Variants in LSAMP observed in about 807,000 individuals in gnomAD.
The protein encoded by LSAMP is limbic system associated membrane protein, also known as limbic system-associated membrane protein.
LSAMP carries 7 observed loss-of-function variants against 38.6 expected under a neutral mutation model. The observed-to-expected ratio is 0.18, with a 90% CI of 0.10 to 0.34. LSAMP has a LOEUF of 0.34. Among genes scored for constraint, LSAMP ranks in the 10% least tolerant of loss-of-function variants. The pLI is 1.00. For missense variants in LSAMP, 313 were observed against 420.0 expected (o/e 0.75, Z 2.23); for synonymous variants, 154 against 166.8 (o/e 0.92, Z 0.59).
chr3:116,259,930 T>C (rs2046803025), intron 1 of LSAMP, among the ~76,000 whole-genome samples: 1 of 152,140 alleles, frequency 6.6e-6, no homozygotes, highest in Non-Finnish European at 1.5e-5. Flanking sequence ...TTACCTCATC[T>C]CAAAATACTT....
chr3:116,422,188 G>T (rs184872906), intron 1 of LSAMP, among the ~76,000 whole-genome samples: 1 of 152,278 alleles, frequency 6.6e-6, no homozygotes, highest in Admixed American at 6.5e-5. Context: ...AAAATACTTC[G>T]TAGTGTATGA....
At position 116,039,375 on chromosome 3, in the gene LSAMP, A is replaced by G. The variant is rs531026565; in HGVS notation, c.389-19735T>C. On this transcript the variant is annotated intron_variant, in intron 2 of 6. Transcript: ENST00000490035. ...GATGAGACCCTGCTTATACAATTTCATCCATCAAAGGAAGTCTTTCTCCAG... is the reference window on the plus strand; with the variant it reads ...GATGAGACCCTGCTTATACAATTTCGTCCATCAAAGGAAGTCTTTCTCCAG... Among the ~76,000 whole-genome samples, 14 of 152,332 alleles carry G rather than the reference A, an allele frequency of 9.2e-5. No homozygotes were observed. In the East Asian group the frequency reaches 2.7e-3, roughly 29 times the overall value.
At chr3:115,940,086 G>A (rs544813682) in intron 3 of LSAMP, among the ~76,000 whole-genome samples, 7 of 152,076 alleles carry the variant, frequency 4.6e-5, no homozygotes, top group Admixed American at 6.6e-5. Flanking sequence ...ATCTGGAGTT[G>A]TTTGTTCCTC....
chr3:116,370,797 C>A (rs771889825), intron 1 of LSAMP, among the ~76,000 whole-genome samples: 5 of 152,100 alleles, frequency 3.3e-5, no homozygotes, highest in Non-Finnish European at 5.9e-5. Context: ...GAAGTTGGTT[C>A]TTCAATAAGA....
intron 6 of LSAMP, among the ~76,000 whole-genome samples, chr3:115,839,317 CCTT>C (rs1934920241): frequency 2.4e-5 from 3 of 127,284 alleles, no homozygotes; most frequent in Admixed American, 8.7e-5. Context: ...TTCCTTCCTT[CCTT>C]TTTTCCTTGC....
intron 1 of LSAMP, among the ~76,000 whole-genome samples, chr3:116,189,824 G>A (rs917005195): frequency 6.6e-6 from 1 of 152,032 alleles, no homozygotes; most frequent in African/African-American, 2.4e-5. Context: ...CTGTACAAGA[G>A]TGGGAACACA....
At chr3:115,832,142 G>A (rs1270437556) in intron 6 of LSAMP, among the ~76,000 whole-genome samples, 1 of 152,090 alleles carries the variant, frequency 6.6e-6, no homozygotes, top group Non-Finnish European at 1.5e-5. Context: ...GGGATAGGAG[G>A]GAAGATCCTC....
chr3:116,165,115 C>A (rs187990999), intron 1 of LSAMP, among the ~76,000 whole-genome samples: 30 of 152,224 alleles, frequency 2.0e-4, no homozygotes, highest in African/African-American at 7.2e-4. Context: ...CTGAGCAGAC[C>A]GTGCTTCTAG....
intron 1 of LSAMP, among the ~76,000 whole-genome samples, chr3:116,112,104 T>C (rs1708629308): frequency 6.6e-6 from 1 of 152,228 alleles, no homozygotes; most frequent in African/African-American, 2.4e-5. Context: ...GCTTCTTAGC[T>C]GAATAACAAA....
At chr3:116,273,298 C>T (rs567603442) in intron 1 of LSAMP, among the ~76,000 whole-genome samples, 1 of 151,978 alleles carries the variant, frequency 6.6e-6, no homozygotes, top group Non-Finnish European at 1.5e-5. Context: ...AACGTCTGAC[C>T]AGCCACACTC....
chr3:116,445,437 A>T lies in LSAMP; in HGVS notation c.-406T>A. On this transcript the variant is annotated 5_prime_UTR_variant, in exon 1 of 7. Transcript: ENST00000490035. ...TCCCAGGCTGGCGGGCGGGCGGGCG[A>T]GGGAGCCGGCACCAAGCCTGCCAGT... 327 of 271,408 alleles carry T rather than the reference A, an allele frequency of 1.2e-3. No individual in the cohort carries two copies. Among genetic ancestry groups the T allele is most frequent in the Non-Finnish European group, 1.6e-3 (229 of 143,292 alleles). 16.8% of individuals were successfully genotyped at this position (271,408 alleles called of 1,614,324 possible).
intron 1 of LSAMP, among the ~76,000 whole-genome samples, chr3:116,193,740 T>C (rs892493650): frequency 6.6e-6 from 1 of 152,138 alleles, no homozygotes; most frequent in Non-Finnish European, 1.5e-5. Context: ...ATACATCTAG[T>C]ATTTCCCACC....
At position 116,127,695 on chromosome 3, in the gene LSAMP, A is replaced by ATT. The variant is rs67470158; in HGVS notation, c.156-41141_156-41140dup. ...GTCGGCAAGTTTTCAGTGTTTGTTC[A>ATT]TTTTTTTTTTTTTTTTTTTTTTTTT... On this transcript the variant is annotated intron_variant, in intron 1 of 6. Coordinates refer to ENST00000490035, the MANE Select transcript of LSAMP (RefSeq NM_002338.5). 1.1e-3 allele frequency among the ~76,000 whole-genome samples: 103 copies of ATT among 96,646 alleles called. 2 individuals carry two copies. The highest frequency in any genetic ancestry group is 1.4e-3 in the African/African-American group (38 of 27,434). 63.4% of individuals were successfully genotyped at this position (96,646 alleles called of 152,430 possible). A position where few individuals can be genotyped will look rare whatever the true frequency, so the allele number is the denominator to read the frequency against.
At chr3:115,827,619 G>C (rs1476800048) in intron 6 of LSAMP, among the ~76,000 whole-genome samples, 1 of 152,126 alleles carries the variant, frequency 6.6e-6, no homozygotes, top group Non-Finnish European at 1.5e-5. Context: ...AGTGATAAGC[G>C]AAACTATAGA....
intron 1 of LSAMP, among the ~76,000 whole-genome samples, chr3:116,373,574 T>C (rs1220600619): frequency 6.6e-6 from 1 of 151,804 alleles, no homozygotes; most frequent in Non-Finnish European, 1.5e-5. Flanking sequence ...CCTAAGACAG[T>C]AAATTTTGTT....
intron 3 of LSAMP, among the ~76,000 whole-genome samples, chr3:115,931,508 C>A (rs1397772442): frequency 6.6e-6 from 1 of 152,166 alleles, no homozygotes; most frequent in Admixed American, 6.5e-5. Flanking sequence ...CAGGGTCAGA[C>A]TGCAGGTACA....
intron 1 of LSAMP, among the ~76,000 whole-genome samples, chr3:116,170,420 T>TGG (rs1353991669): frequency 6.6e-6 from 1 of 152,208 alleles, no homozygotes; most frequent in African/African-American, 2.4e-5. Flanking sequence ...TAATTACCTT[T>TGG]CATATTATAA....
chr3:116,334,721 C>T (rs2047896554), intron 1 of LSAMP, among the ~76,000 whole-genome samples: 1 of 152,004 alleles, frequency 6.6e-6, no homozygotes, highest in African/African-American at 2.4e-5. Context: ...AAAAGAAACA[C>T]TCAACAACTA....
At chr3:116,013,720 G>T (rs562129889) in intron 3 of LSAMP, among the ~76,000 whole-genome samples, 1 of 152,146 alleles carries the variant, frequency 6.6e-6, no homozygotes, top group East Asian at 1.9e-4. Flanking sequence ...GAAGGAAATG[G>T]ATATATTAAA....
Sources: allele counts gnomAD v4.1 joint callset (sites outside exome capture counted in the v4.1 genomes callset), GRCh38; gene constraint gnomAD v4.1.1; transcripts MANE v1.5; gene names NCBI Gene and HGNC (gene_info 2026-07-23, HGNC 2026-07-21).